ARFGEF2: variants seen among roughly 807,000 people sequenced by gnomAD.
ARFGEF2 encodes the protein ARF guanine nucleotide exchange factor 2.
A neutral mutation model predicts 219.9 loss-of-function variants in ARFGEF2; 74 were observed. The ratio of observed to expected loss-of-function variants is 0.34; its 90% confidence interval spans 0.28 to 0.41. The LOEUF (loss-of-function observed/expected upper bound fraction) is 0.41, where lower values mean the gene tolerates loss of function less well. Among genes scored for constraint, ARFGEF2 ranks in the 10% least tolerant of loss-of-function variants. The probability of loss-of-function intolerance (pLI) is 1.00; values close to 1 mark genes in which losing one functional copy is unlikely to be tolerated. For missense variants in ARFGEF2, 1,743 were observed against 2,218.3 expected (o/e 0.79, Z 4.30); for synonymous variants, 733 against 799.2 (o/e 0.92, Z 1.40).
At chr20:48,963,421 A>G (rs951254622) in intron 6 of ARFGEF2, among the ~76,000 whole-genome samples, 11 of 152,212 alleles carry the variant, frequency 7.2e-5, no homozygotes, top group African/African-American at 2.2e-4. Flanking sequence ...AGCAGAAGGC[A>G]TGTCATTTAC....
Position 48,971,313 on chromosome 20 carries a change from C to T in ARFGEF2, c.1384C>T (p.Leu462Phe). 1 of 1,614,176 alleles carries T rather than the reference C, an allele frequency of 6.2e-7. No individual in the cohort carries two copies. Among genetic ancestry groups the T allele is most frequent in the African/African-American group, 1.3e-5 (1 of 75,042 alleles). ...GCTCTCTCTTGCCATTTTTCTTACT[C>T]TTCTTTCAAACTTTAAAATGCACTT... ...FELSLAIFLT[L>F]LSNFKMHLKM... The change falls in exon 10 of 39, where the codon CTT becomes TTT. Residue 462 changes from leucine to phenylalanine, a missense_variant. By Grantham distance (22) the Leu-to-Phe change is conservative. Around this residue, in one of 5 missense-constraint regions of ARFGEF2, gnomAD observed 666 missense variants for 955.4 expected, o/e 0.70. Transcript: ENST00000371917.
intron 6 of ARFGEF2, among the ~76,000 whole-genome samples, chr20:48,961,859 CT>C (rs1226193830): frequency 1.4e-5 from 2 of 139,858 alleles, no homozygotes; most frequent in Non-Finnish European, 3.1e-5. Flanking sequence ...GTGAGACTCT[CT>C]CAAAAAAAAA....
chr20:49,016,436 C>T, intron 31 of ARFGEF2, 21 bp downstream of exon 31: 1 of 1,608,440 alleles, frequency 6.2e-7, no homozygotes, highest in Non-Finnish European at 8.5e-7. Flanking sequence ...AGCCTCTAGG[C>T]ATCATTTTTC....
intron 3 of ARFGEF2, 103 bp from the exon 4 acceptor site, chr20:48,951,220 T>C (rs1378454241): frequency 2.8e-6 from 4 of 1,409,134 alleles, no homozygotes; most frequent in East Asian, 2.4e-5. Flanking sequence ...CAGAGGACTC[T>C]GTAGGAACTG....
At chr20:48,944,349 G>C (rs1052303786) in intron 3 of ARFGEF2, among the ~76,000 whole-genome samples, 6 of 152,176 alleles carry the variant, frequency 3.9e-5, no homozygotes, top group African/African-American at 1.4e-4. Flanking sequence ...CATGCATTGA[G>C]CTCTTAGCCT....
chr20:48,948,710 T>C (rs550870905), intron 3 of ARFGEF2, among the ~76,000 whole-genome samples: 5 of 152,314 alleles, frequency 3.3e-5, no homozygotes, highest in Admixed American at 2.0e-4. Context: ...AGGCCTGTTA[T>C]AGTGTATTAT....
At chr20:48,937,252 C>T (rs1311075676) in intron 1 of ARFGEF2, among the ~76,000 whole-genome samples, 1 of 152,234 alleles carries the variant, frequency 6.6e-6, no homozygotes, top group Non-Finnish European at 1.5e-5. Flanking sequence ...TTTATCCTCA[C>T]AGCAGCCAGA....
chr20:48,952,974 A>G, intron 5 of ARFGEF2, 90 bp downstream of exon 5: 4 of 1,307,494 alleles, frequency 3.1e-6, no homozygotes, highest in Non-Finnish European at 4.4e-6. Flanking sequence ...AAGAATCACT[A>G]GCATTTTAAA....
At chr20:49,007,806 A>C (rs2091472210) in intron 26 of ARFGEF2, among the ~76,000 whole-genome samples, 1 of 152,066 alleles carries the variant, frequency 6.6e-6, no homozygotes, top group African/African-American at 2.4e-5. Context: ...GCAAATACAC[A>C]AAAGTATTTT....
chr20:48,997,869 T>C (rs975972044), intron 23 of ARFGEF2, among the ~76,000 whole-genome samples: 2 of 152,114 alleles, frequency 1.3e-5, no homozygotes, highest in Admixed American at 1.3e-4. Flanking sequence ...TTATTTTTTG[T>C]TTTTTTGAGA....
At chr20:48,939,317 G>T (rs1403018831) in intron 1 of ARFGEF2, among the ~76,000 whole-genome samples, 1 of 152,124 alleles carries the variant, frequency 6.6e-6, no homozygotes, top group Non-Finnish European at 1.5e-5. Context: ...TCACAGCCCA[G>T]CACCAATGCT....
chr20:49,015,502 G>A (rs937060277), intron 30 of ARFGEF2, among the ~76,000 whole-genome samples: 4 of 152,158 alleles, frequency 2.6e-5, no homozygotes, highest in African/African-American at 9.7e-5. Flanking sequence ...TTGCTTTCCG[G>A]TTTTTCTGGA....
intron 21 of ARFGEF2, among the ~76,000 whole-genome samples, chr20:48,994,029 A>G (rs1327952873): frequency 6.6e-6 from 1 of 152,248 alleles, no homozygotes; most frequent in Non-Finnish European, 1.5e-5. Flanking sequence ...CTCACAAGAA[A>G]GATCTCTTTG....
chr20:49,020,210 A>G lies in ARFGEF2; in HGVS notation c.4624+1212A>G, dbSNP rs1264727012. ...GTTGTGTGCCCCATTGTTTGCCTTT[A>G]TAGCAGTCCCACCCTGTCCTCAACA... is the stretch of plus-strand genomic sequence containing the variant. On this transcript the variant is annotated intron_variant, in intron 34 of 38. Coordinates refer to ENST00000371917, the MANE Select transcript of ARFGEF2 (RefSeq NM_006420.3). 2.0e-5 allele frequency among the ~76,000 whole-genome samples: 3 copies of G among 152,206 alleles called. No individual in the cohort carries two copies. In the East Asian group the frequency reaches 5.8e-4, roughly 29 times the overall value.
chr20:48,927,158 TTAAA>T (rs2090882757), intron 1 of ARFGEF2, among the ~76,000 whole-genome samples: 1 of 152,188 alleles, frequency 6.6e-6, no homozygotes, highest in African/African-American at 2.4e-5. Flanking sequence ...GATTTTAACT[TTAAA>T]TATTGTTAAG....
Position 49,028,654 on chromosome 20 carries a change from G to A in ARFGEF2, c.5049G>A (p.Gln1683=). ...ENRRDSWEEI[Q]QRLLTVCSEA... is the part of the protein sequence containing the mutation. ...GCAGGGATTCCTGGGAAGAAATACA[G>A]CAGAGACTTTTAACGTAAGAAAATT... Residue 1683 remains glutamine (Q), a synonymous_variant, in exon 37 of 39, where the codon CAG becomes CAA. Transcript: ENST00000371917. The A allele has an allele frequency of 6.2e-7, 1 of 1,614,106 alleles. No individual in the cohort carries two copies. The highest frequency in any genetic ancestry group is 1.1e-5 in the South Asian group (1 of 91,074).
chr20:48,998,538 A>T (rs1409502334), intron 25 of ARFGEF2, 33 bp downstream of exon 25: 27 of 187,910 alleles, frequency 1.4e-4, no homozygotes, highest in South Asian at 3.8e-4. Context: ...CATTCCTGTT[A>T]AAAAAAAAAA....
intron 21 of ARFGEF2, among the ~76,000 whole-genome samples, chr20:48,993,276 CT>C (rs1254378820): frequency 6.6e-6 from 1 of 152,164 alleles, no homozygotes; most frequent in Non-Finnish European, 1.5e-5. Flanking sequence ...GTCAGAAGCC[CT>C]GAGAAATCAG....
In ARFGEF2 at chr20:48,952,773, A is replaced by G; in HGVS notation, c.492A>G (p.Arg164=). The G allele has an allele frequency of 6.8e-6, 11 of 1,614,202 alleles. No homozygotes were observed. Among genetic ancestry groups the G allele is most frequent in the Non-Finnish European group, 9.3e-6 (11 of 1,180,018 alleles). ...AGGGTACTATCCTGCAGACAGTGAGAACATGTTACAATATCTATTTGGCCA... is the reference window on the plus strand; with the variant it reads ...AGGGTACTATCCTGCAGACAGTGAGGACATGTTACAATATCTATTTGGCCA... The part of the protein sequence containing the change: ...IHEGTILQTV[R]TCYNIYLASK... The change falls in exon 5 of 39, where the codon AGA becomes AGG. Residue 164 remains arginine, a synonymous_variant. Coordinates refer to ENST00000371917, the MANE Select transcript of ARFGEF2 (RefSeq NM_006420.3).
Sources: allele counts gnomAD v4.1 joint callset (sites outside exome capture counted in the v4.1 genomes callset), GRCh38; gene constraint gnomAD v4.1.1; regional missense constraint gnomAD v4.1.1; transcripts MANE v1.5; gene names NCBI Gene and HGNC (gene_info 2026-07-23, HGNC 2026-07-21).